Variants in UBALD2 observed in about 807,000 individuals in gnomAD.
UBALD2 encodes the protein UBA like domain containing 2.
In UBALD2, 8 loss-of-function variants were observed where a neutral mutation model predicts 15.9. That is an observed-to-expected ratio of 0.50 (90% confidence interval 0.29 to 0.91). The LOEUF (loss-of-function observed/expected upper bound fraction) is 0.91, where lower values mean the gene tolerates loss of function less well. UBALD2 is among the 40% of genes least tolerant of loss of function. The pLI is 0.07. For missense variants in UBALD2, 178 were observed against 234.8 expected (o/e 0.76, Z 1.58); for synonymous variants, 113 against 97.7 (o/e 1.16, Z -0.93).
rs764676310 is a variant in UBALD2, at chr17:76,270,376, G to A, written c.366G>A (p.Ala122=). Reference sequence around the variant, plus strand: ...CCTCGTCCCCGCCCAGCCACCAGGCGCCCTGGATCCCGCCCTCCTCCCCCA... The same window carrying A: ...CCTCGTCCCCGCCCAGCCACCAGGCACCCTGGATCCCGCCCTCCTCCCCCA... ...FWASSPPSHQ[A]PWIPPSSPTT... is the part of the protein sequence containing the mutation. The change falls in exon 3 of 3, where the codon GCG becomes GCA. Residue 122 remains alanine (A), a synonymous_variant. Transcript: ENST00000327490. 1.0e-5 allele frequency: 16 copies of A among 1,544,578 alleles called. No homozygotes were observed. The highest frequency in any genetic ancestry group is 2.4e-5 in the East Asian group (1 of 41,338).
At position 76,270,690 on chromosome 17, in the gene UBALD2, C is replaced by CA. The variant is rs2070581072; in HGVS notation, c.*186dup. ...AACTTCCTGGGCCACGTGGGTCCTT[C>CA]AGGAGTTTTTCAGGCAAGTTTTTCC... is the stretch of plus-strand genomic sequence containing the variant. On this transcript the variant is annotated 3_prime_UTR_variant, in exon 3 of 3. Coordinates refer to ENST00000327490, the MANE Select transcript of UBALD2 (RefSeq NM_182565.4). The CA allele has an allele frequency of 2.0e-6, 1 of 505,804 alleles. No individual in the cohort carries two copies. Among genetic ancestry groups the CA allele is most frequent in the African/African-American group, 2.0e-5 (1 of 49,432 alleles). The allele number at this position is 505,804 out of a possible 1,614,324, so 31.3% of individuals were successfully genotyped here.
intron 2 of UBALD2, among the ~76,000 whole-genome samples, chr17:76,268,404 C>T (rs924676516): frequency 3.3e-5 from 5 of 151,734 alleles, no homozygotes; most frequent in Non-Finnish European, 2.9e-5. Context: ...CTGGGGAAGT[C>T]GGTCACGATG....
rs941641967 is a variant in UBALD2, at chr17:76,265,774, C to T, written c.121-133C>T. 869 of 1,421,904 alleles carry T rather than the reference C, an allele frequency of 6.1e-4. 1 individual carries two copies. The highest frequency in any genetic ancestry group is 7.7e-4 in the Non-Finnish European group (823 of 1,071,798). The allele number at this position is 1,421,904 out of a possible 1,614,324, so 88.1% of individuals were successfully genotyped here. A position where few individuals can be genotyped will look rare whatever the true frequency, so the allele number is the denominator to read the frequency against. ...GGGACCGGGGCCGGGACCGGCTCCC[C>T]TCTGCACGTGGGGCAGCCGAGGGTC... On this transcript the variant is annotated intron_variant, in intron 1 of 2. Transcript: ENST00000327490.
chr17:76,265,644 CG>C lies in UBALD2; in HGVS notation c.120+23del. 8.8e-7 allele frequency: 1 copy of C among 1,135,552 alleles called. No individual in the cohort carries two copies. Among genetic ancestry groups the C allele is most frequent in the African/African-American group, 1.7e-5 (1 of 57,622 alleles). The allele number at this position is 1,135,552 out of a possible 1,614,324, so 70.3% of individuals were successfully genotyped here. On this transcript the variant is annotated intron_variant, in intron 1 of 2. Coordinates refer to ENST00000327490, the MANE Select transcript of UBALD2 (RefSeq NM_182565.4). The stretch of plus-strand genomic sequence containing the variant: ...GTTCGAGGTGCGAGCCTGGCCGCCG[CG>C]GGGCCGGGCCGCGGGGGTCGGGGAC...
rs1330151117 is a variant in UBALD2, at chr17:76,270,508, C to T, written c.*3C>T. ...CGGCCATGGACGGCCAGAGATGAGA[C>T]TGGACGCCGCCGGGCGCTGGGCTGG... is the stretch of plus-strand genomic sequence containing the variant. On this transcript the variant is annotated 3_prime_UTR_variant, in exon 3 of 3. Transcript: ENST00000327490. 1 of 1,446,502 alleles carries T rather than the reference C, an allele frequency of 6.9e-7. No homozygotes were observed. Among genetic ancestry groups the T allele is most frequent in the Non-Finnish European group, 9.1e-7 (1 of 1,103,498 alleles). 89.6% of individuals were successfully genotyped at this position (1,446,502 alleles called of 1,614,324 possible).
chr17:76,270,148 G>A lies in UBALD2; in HGVS notation c.184-46G>A, dbSNP rs112409042. 4.2e-4 allele frequency: 644 copies of A among 1,546,876 alleles called. 3 individuals are homozygous for A. In the Middle Eastern group the frequency reaches 7.6e-3, roughly 18 times the overall value. On this transcript the variant is annotated intron_variant, in intron 2 of 2. Transcript: ENST00000327490. ...CTGGGTAAGCCCCATCCAGTGGCTC[G>A]GGGACCCCCGAGGCAGCCTCCCCAC...
In UBALD2 at chr17:76,265,497, C is replaced by T. The variant is rs2678674; in HGVS notation, c.-9C>T. 8.3e-7 allele frequency: 1 copy of T among 1,202,676 alleles called. No homozygotes were observed. The highest frequency in any genetic ancestry group is 1.9e-5 in the South Asian group (1 of 51,678). 74.5% of individuals were successfully genotyped at this position (1,202,676 alleles called of 1,614,324 possible). A position where few individuals can be genotyped will look rare whatever the true frequency, so the allele number is the denominator to read the frequency against. On this transcript the variant is annotated 5_prime_UTR_variant, in exon 1 of 3. Coordinates refer to ENST00000327490, the MANE Select transcript of UBALD2 (RefSeq NM_182565.4). ...GCCGGAGACGCCGGGCCCCGCGCCG[C>T]GCCGCGCCATGTCGGTGAACATGGA...
intron 2 of UBALD2, among the ~76,000 whole-genome samples, chr17:76,267,833 A>AT (rs1313258554): frequency 2.0e-5 from 3 of 151,510 alleles, no homozygotes; most frequent in Non-Finnish European, 4.4e-5. Flanking sequence ...CTAATTTTGT[A>AT]TTTTTAGTAG....
chr17:76,268,776 T>C (rs58359566), intron 2 of UBALD2, among the ~76,000 whole-genome samples: 34,934 of 141,940 alleles, frequency 0.25, 7,586 homozygotes, highest in African/African-American at 0.59. Flanking sequence ...CTCTGCCACC[T>C]AGGCTGGAGT....
chr17:76,266,984 A>G (rs2070550317), intron 2 of UBALD2, among the ~76,000 whole-genome samples: 1 of 152,218 alleles, frequency 6.6e-6, no homozygotes, highest in South Asian at 2.1e-4. Flanking sequence ...AGTTTTTCTC[A>G]GAATGGCTGA....
In UBALD2 at chr17:76,265,482, C is replaced by A. The variant is rs745539136; in HGVS notation, c.-24C>A. 2.7e-5 allele frequency: 30 copies of A among 1,123,308 alleles called. No individual in the cohort carries two copies. The South Asian group carries it at 7.5e-4, about 28-fold the overall frequency. The allele number at this position is 1,123,308 out of a possible 1,614,324, so 69.6% of individuals were successfully genotyped here. On this transcript the variant is annotated 5_prime_UTR_variant, in exon 1 of 3. Transcript: ENST00000327490. ...CCGCGTCTGCGTCCGGCCGGAGACG[C>A]CGGGCCCCGCGCCGCGCCGCGCCAT...
At chr17:76,266,058 G>C in intron 2 of UBALD2, 89 bp downstream of exon 2, 1 of 1,464,580 alleles carries the variant, frequency 6.8e-7, no homozygotes. Context: ...CGCCGCGAAT[G>C]TAAACAAAGA....
chr17:76,270,586 G>A lies in UBALD2; in HGVS notation c.*81G>A. ...ACACAGGAGGGCCAGGGAGGGGGGAGCCGGGGAGGGCAGGGGGTTTCCCGA... is the reference window on the plus strand; with the variant it reads ...ACACAGGAGGGCCAGGGAGGGGGGAACCGGGGAGGGCAGGGGGTTTCCCGA... On this transcript the variant is annotated 3_prime_UTR_variant, in exon 3 of 3. Transcript: ENST00000327490. 8.0e-7 allele frequency: 1 copy of A among 1,245,466 alleles called. No individual in the cohort carries two copies. The highest frequency in any genetic ancestry group is 1.6e-5 in the African/African-American group (1 of 63,178). The allele number at this position is 1,245,466 out of a possible 1,614,324, so 77.2% of individuals were successfully genotyped here.
rs1453509612 is a variant in UBALD2, at chr17:76,265,606, C to T, written c.101C>T (p.Ala34Val). The T allele has an allele frequency of 7.6e-7, 1 of 1,309,148 alleles. No homozygotes were observed. The highest frequency in any genetic ancestry group is 4.3e-5 in the East Asian group (1 of 23,380). 81.1% of individuals were successfully genotyped at this position (1,309,148 alleles called of 1,614,324 possible). A position where few individuals can be genotyped will look rare whatever the true frequency, so the allele number is the denominator to read the frequency against. The change falls in exon 1 of 3, where the codon GCG becomes GTG. Residue 34 changes from alanine (A) to valine (V), a missense_variant. Transcript: ENST00000327490. ...GACCAGGCGAAGCAGTTGCTGCAGG[C>T]GGCCCACTGGCAGTTCGAGGTGCGA... Reference protein sequence around the residue: ...AADQAKQLLQAAHWQFETALS... With the variant: ...AADQAKQLLQVAHWQFETALS...
rs887893260 is a variant in UBALD2 at position 76,269,538 on chromosome 17, G to A, written c.184-656G>A. On this transcript the variant is annotated intron_variant, in intron 2 of 2. Coordinates refer to ENST00000327490, the MANE Select transcript of UBALD2 (RefSeq NM_182565.4). This position sits in a 1 kb window ranked among gnomAD's most constrained non-coding sequence, Gnocchi z 4.6. ...GCAGACTTGGGAGCTGGGGAGGTCC[G>A]TCTTCTCAACTTGCCCTCTGCTGTG... Among the ~76,000 whole-genome samples the A allele has an allele frequency of 3.9e-5, 6 of 152,224 alleles. No individual in the cohort carries two copies. Among genetic ancestry groups the A allele is most frequent in the South Asian group, 2.1e-4 (1 of 4,830 alleles).
At chr17:76,267,323 C>T (rs946145651) in intron 2 of UBALD2, among the ~76,000 whole-genome samples, 15 of 152,118 alleles carry the variant, frequency 9.9e-5, no homozygotes, top group South Asian at 2.1e-4. Flanking sequence ...CCTATTGCCC[C>T]TCCTCTGCAA....
intron 1 of UBALD2, 25 bp downstream of exon 1, chr17:76,265,650 C>G (rs773120450): frequency 3.5e-6 from 4 of 1,135,060 alleles, no homozygotes; most frequent in Non-Finnish European, 4.3e-6. Flanking sequence ...GCCGCGGGGC[C>G]GGGCCGCGGG....
chr17:76,268,227 C>T (rs1453238159), intron 2 of UBALD2, among the ~76,000 whole-genome samples: 1 of 152,196 alleles, frequency 6.6e-6, no homozygotes, highest in Non-Finnish European at 1.5e-5. Context: ...GCCGAGAGGG[C>T]ATATCTGGTT....
intron 2 of UBALD2, among the ~76,000 whole-genome samples, 176 bp from the exon 3 acceptor site, chr17:76,270,018 T>C (rs1229706017): frequency 6.6e-6 from 1 of 152,190 alleles, no homozygotes; most frequent in Non-Finnish European, 1.5e-5. Flanking sequence ...GTTTTGTCCT[T>C]GTTTTCTGTT....
Sources: gnomAD v4.1 joint callset for allele counts (sites outside exome capture counted in the v4.1 genomes callset) on GRCh38, gnomAD v4.1.1 for gene constraint, Gnocchi (gnomAD v3.1) non-coding constraint, MANE v1.5 for transcripts, NCBI Gene and HGNC (gene_info 2026-07-23, HGNC 2026-07-21) for gene names.